The following TLK1 variants were observed in gnomAD, a reference collection of about 807,000 sequenced individuals.
The protein encoded by TLK1 is tousled like kinase 1.
A neutral mutation model predicts 105.3 loss-of-function variants in TLK1; 24 were observed. That is an observed-to-expected ratio of 0.23 (90% CI 0.17 to 0.32). TLK1 has a LOEUF of 0.32. Ranked by LOEUF, TLK1 falls within the 10% of genes least tolerant of loss-of-function variation. TLK1 has a pLI of 1.00. For missense variants in TLK1, 558 were observed against 910.5 expected (o/e 0.61, Z 4.98); for synonymous variants, 321 against 310.4 (o/e 1.03, Z -0.36).
At chr2:171,166,934 G>C (rs1692619411) in intron 1 of TLK1, among the ~76,000 whole-genome samples, 1 of 152,216 alleles carries the variant, frequency 6.6e-6, no homozygotes, top group Non-Finnish European at 1.5e-5. Context: ...AAAAGAGCAA[G>C]TTACAGAAGA....
chr2:171,075,604 C>T (rs1688464255), intron 3 of TLK1, among the ~76,000 whole-genome samples: 1 of 152,040 alleles, frequency 6.6e-6, no homozygotes, highest in Non-Finnish European at 1.5e-5. Flanking sequence ...CACGTATAAA[C>T]AGACATAACT....
chr2:171,201,422 T>C (rs1437516747), intron 1 of TLK1, among the ~76,000 whole-genome samples: 2 of 152,196 alleles, frequency 1.3e-5, no homozygotes, highest in Admixed American at 1.3e-4. Flanking sequence ...ACTATCAACA[T>C]GAACCCTGCC....
chr2:171,085,535 G>T (rs778575565), intron 2 of TLK1, among the ~76,000 whole-genome samples: 3 of 151,986 alleles, frequency 2.0e-5, no homozygotes, highest in Non-Finnish European at 2.9e-5. Context: ...CCCAGAAAGC[G>T]AACATCAAAG....
In TLK1 at chr2:171,160,538, C is replaced by T. The variant is rs1692444506; in HGVS notation, c.-110G>A. On this transcript the variant is annotated 5_prime_UTR_variant, in exon 1 of 21. Coordinates refer to ENST00000431350, the MANE Select transcript of TLK1 (RefSeq NM_012290.5). The surrounding 1 kb of genome is among the most constrained non-coding windows in gnomAD (Gnocchi z 4.4). ...GCCGCGCTGAGGGCGAGCGAGAGAGCGAGGGCTGGGAGGGGAGAGTCAAGG... is the reference window on the plus strand; with the variant it reads ...GCCGCGCTGAGGGCGAGCGAGAGAGTGAGGGCTGGGAGGGGAGAGTCAAGG... 1.4e-6 allele frequency: 2 copies of T among 1,460,464 alleles called. No individual in the cohort carries two copies. The highest frequency in any genetic ancestry group is 2.9e-5 in the East Asian group (1 of 34,636). 90.5% of individuals were successfully genotyped at this position (1,460,464 alleles called of 1,614,324 possible). A position where few individuals can be genotyped will look rare whatever the true frequency, so the allele number is the denominator to read the frequency against.
At chr2:171,142,881 C>A (rs1000295023) in intron 1 of TLK1, among the ~76,000 whole-genome samples, 1 of 152,138 alleles carries the variant, frequency 6.6e-6, no homozygotes, top group African/African-American at 2.4e-5. Flanking sequence ...GAACTTAAGT[C>A]TTAGGGATTT....
intron 2 of TLK1, among the ~76,000 whole-genome samples, chr2:171,100,297 C>T (rs1016945325): frequency 2.0e-5 from 3 of 152,100 alleles, no homozygotes; most frequent in Admixed American, 6.6e-5. Flanking sequence ...CAAAGTGTGG[C>T]GGTGTGGGAA....
intron 12 of TLK1, among the ~76,000 whole-genome samples, chr2:171,026,200 C>T (rs780383480): frequency 3.9e-5 from 6 of 151,940 alleles, no homozygotes; most frequent in Admixed American, 2.0e-4. Context: ...TAAGTAAATA[C>T]GAAAAATATA....
At chr2:171,159,989 G>C (rs1453748683) in intron 1 of TLK1, among the ~76,000 whole-genome samples, 3 of 152,098 alleles carry the variant, frequency 2.0e-5, no homozygotes, top group African/African-American at 7.2e-5. Flanking sequence ...CTGGGGGGAG[G>C]CTTCCCACCC....
chr2:171,049,155 G>A (rs1687107521), intron 10 of TLK1, among the ~76,000 whole-genome samples: 1 of 152,150 alleles, frequency 6.6e-6, no homozygotes. Context: ...CAGGGGCAAG[G>A]ATTGAAAAAC....
chr2:171,219,176 A>T (rs1693764675), intron 1 of TLK1, among the ~76,000 whole-genome samples: 1 of 152,200 alleles, frequency 6.6e-6, no homozygotes, highest in Non-Finnish European at 1.5e-5. Flanking sequence ...GGAGACCAGA[A>T]GTTTGAAATC....
intron 11 of TLK1, among the ~76,000 whole-genome samples, chr2:171,028,873 T>C (rs565968182): frequency 2.6e-5 from 4 of 152,276 alleles, no homozygotes; most frequent in African/African-American, 9.6e-5. Flanking sequence ...ACAGTAAGTG[T>C]CATGAAGAAG....
At chr2:170,998,359 T>C (rs756703622) in intron 18 of TLK1, among the ~76,000 whole-genome samples, 101 of 152,126 alleles carry the variant, frequency 6.6e-4, no homozygotes, top group Non-Finnish European at 2.8e-4. Context: ...GGCAACAACA[T>C]ACATTTTCAA....
chr2:171,101,192 A>G (rs1036417335), intron 2 of TLK1, among the ~76,000 whole-genome samples: 4 of 152,026 alleles, frequency 2.6e-5, no homozygotes. Flanking sequence ...CTAAAAATAC[A>G]AAAATTAGCC....
intron 2 of TLK1, among the ~76,000 whole-genome samples, chr2:171,096,982 C>G (rs1440425584): frequency 1.3e-5 from 2 of 152,044 alleles, no homozygotes; most frequent in Non-Finnish European, 2.9e-5. Flanking sequence ...AAAAAACAAC[C>G]CTAAATTTAC....
At chr2:171,074,582 G>A (rs1296990918) in intron 3 of TLK1, among the ~76,000 whole-genome samples, 2 of 148,414 alleles carry the variant, frequency 1.3e-5, no homozygotes, top group Non-Finnish European at 3.0e-5. Flanking sequence ...AGCAGAGATC[G>A]TGCCATTGCA....
Position 171,202,261 on chromosome 2 carries a change from G to T in TLK1, c.-6+28884C>A, listed in dbSNP as rs562875513. Among the ~76,000 whole-genome samples, 22 of 152,220 alleles carry T rather than the reference G, an allele frequency of 1.4e-4. 2 individuals are homozygous for T. Among genetic ancestry groups the T allele is most frequent in the African/African-American group, 4.8e-4 (20 of 41,544 alleles). ...ACCTGAGGTCAGGAGTTCGAGATCAGCCTCAACATGGAGAAACCCCATCTC... is the reference window on the plus strand; with the variant it reads ...ACCTGAGGTCAGGAGTTCGAGATCATCCTCAACATGGAGAAACCCCATCTC... On this transcript the variant is annotated intron_variant, in intron 1 of 20. Transcript: ENST00000521943.
chr2:171,088,059 G>T (rs796469579), intron 2 of TLK1, among the ~76,000 whole-genome samples: 12 of 152,170 alleles, frequency 7.9e-5, no homozygotes, highest in African/African-American at 2.9e-4. Context: ...GGCTGGGTAT[G>T]GTGGCTCACA....
chr2:171,172,239 G>A (rs552741415), intron 1 of TLK1, among the ~76,000 whole-genome samples: 1 of 152,226 alleles, frequency 6.6e-6, no homozygotes, highest in Non-Finnish European at 1.5e-5. Flanking sequence ...TTAAAAATCA[G>A]GACAGTGGTT....
intron 1 of TLK1, among the ~76,000 whole-genome samples, chr2:171,139,469 A>G (rs2105573839): frequency 6.6e-6 from 1 of 152,096 alleles, no homozygotes; most frequent in Non-Finnish European, 1.5e-5. Context: ...ATGGTGGCAC[A>G]CGAGTCCCAG....
Sources: gnomAD v4.1 joint callset for allele counts (sites outside exome capture counted in the v4.1 genomes callset) on GRCh38, gnomAD v4.1.1 for gene constraint, Gnocchi (gnomAD v3.1) non-coding constraint, MANE v1.5 for transcripts, NCBI Gene and HGNC (gene_info 2026-07-23, HGNC 2026-07-21) for gene names.